The following RFC2 variants were observed in gnomAD, a reference collection of about 807,000 sequenced individuals.
The protein encoded by RFC2 is replication factor C subunit 2.
In RFC2, 34 loss-of-function variants were observed where a neutral mutation model predicts 44.8. That is an observed-to-expected ratio of 0.76 (90% confidence interval 0.58 to 1.01). The LOEUF (loss-of-function observed/expected upper bound fraction) is 1.01, where lower values mean the gene tolerates loss of function less well. Ranked by LOEUF, RFC2 falls within the 50% of genes least tolerant of loss-of-function variation. RFC2 has a pLI of 0.00. For synonymous variants in RFC2, 177 were observed against 168.9 expected, an observed-to-expected ratio of 1.05 and a Z score of -0.37; for missense variants, 400 against 453.6, an observed-to-expected ratio of 0.88 and a Z score of 1.07.
chr7:74,237,435 T>C lies in RFC2; in HGVS notation c.767A>G (p.Asp256Gly). 1 of 1,587,558 alleles carries C rather than the reference T, an allele frequency of 6.3e-7. No individual in the cohort carries two copies. Among genetic ancestry groups the C allele is most frequent in the Non-Finnish European group, 8.6e-7 (1 of 1,164,606 alleles). The change falls in exon 9 of 11, where the codon GAC becomes GGC. Residue 256 changes from aspartate to glycine, a missense_variant. By Grantham distance (94) the Asp-to-Gly change is moderately conservative. Coordinates refer to ENST00000055077, the MANE Select transcript of RFC2 (RefSeq NM_181471.3). The stretch of plus-strand genomic sequence containing the variant: ...CTTTACCAGCAGTGGGTGGGGCTCG[T>C]CACAGACCTGGCCAAAGGGAAAGGA... ...INSENVFKVC[D>G]EPHPLLVKEM...
intron 7 of RFC2, 111 bp downstream of exon 7, chr7:74,239,827 T>C (rs1391093540): frequency 3.8e-6 from 4 of 1,057,142 alleles, no homozygotes; most frequent in Middle Eastern, 2.1e-4. Context: ...GCCAGGTCTC[T>C]GTCTCTTTCT....
chr7:74,249,773 G>A lies in RFC2; in HGVS notation c.191C>T (p.Ala64Val). ...EDTVSRLEVFAREGNVPNIII... is the reference protein window; with the variant it reads ...EDTVSRLEVFVREGNVPNIII... ...GATGTTGGGCACATTTCCTTCCCTT[G>A]CAAAGACCTACGGCGAAAATGATCA... Residue 64 changes from alanine (A) to valine (V), a missense_variant, in exon 3 of 11, where the codon GCA becomes GTA. Coordinates refer to ENST00000055077, the MANE Select transcript of RFC2 (RefSeq NM_181471.3). The A allele has an allele frequency of 6.2e-7, 1 of 1,613,496 alleles. No individual in the cohort carries two copies. Among genetic ancestry groups the A allele is most frequent in the Non-Finnish European group, 8.5e-7 (1 of 1,179,532 alleles).
intron 5 of RFC2, among the ~76,000 whole-genome samples, chr7:74,245,358 G>A (rs1181532884): frequency 7.2e-5 from 11 of 151,900 alleles, no homozygotes; most frequent in African/African-American, 2.4e-4. Flanking sequence ...TGTTGTGATG[G>A]TTGCACAACA....
At chr7:74,233,608 T>A (rs1382526237) in intron 10 of RFC2, among the ~76,000 whole-genome samples, 12 of 149,980 alleles carry the variant, frequency 8.0e-5, no homozygotes, top group African/African-American at 2.9e-4. Flanking sequence ...TTTTTTTTTT[T>A]TTTTTTTTTA....
chr7:74,245,061 T>G (rs1285634953), intron 5 of RFC2, among the ~76,000 whole-genome samples: 2 of 150,704 alleles, frequency 1.3e-5, no homozygotes, highest in Non-Finnish European at 3.0e-5. Context: ...GGAGTTTCGC[T>G]CTTGTTGCCC....
intron 9 of RFC2, chr7:74,237,156 C>T: frequency 2.3e-6 from 1 of 427,842 alleles, no homozygotes; most frequent in Non-Finnish European, 4.4e-6. Context: ...CACCATCACC[C>T]AGGCTGGGGT....
In RFC2 at chr7:74,246,670, T is replaced by C. The variant is rs1554720074; in HGVS notation, c.426A>G (p.Glu142=). 2.5e-6 allele frequency: 4 copies of C among 1,603,680 alleles called. No individual in the cohort carries two copies. The highest frequency in any genetic ancestry group is 1.7e-5 in the Admixed American group (1 of 59,416). ...KGRHKIIILD[E]ADSMTDGAQQ... ...TTGGCAAAGCACTCTACCTGTCTGCTTCATCCAGAATGATGATCTTATGTC... is the reference window on the plus strand; with the variant it reads ...TTGGCAAAGCACTCTACCTGTCTGCCTCATCCAGAATGATGATCTTATGTC... Residue 142 remains glutamate (E), a synonymous_variant, in exon 5 of 11, where the codon GAA becomes GAG. Coordinates refer to ENST00000055077, the MANE Select transcript of RFC2 (RefSeq NM_181471.3).
intron 2 of RFC2, among the ~76,000 whole-genome samples, chr7:74,250,914 G>A (rs1224809520): frequency 6.6e-6 from 1 of 152,032 alleles, no homozygotes; most frequent in Non-Finnish European, 1.5e-5. Context: ...TCAGCCTCCT[G>A]AGTAGCTGGG....
At chr7:74,249,499 C>A (rs1424566723) in intron 3 of RFC2, among the ~76,000 whole-genome samples, 2 of 151,948 alleles carry the variant, frequency 1.3e-5, no homozygotes, top group Non-Finnish European at 2.9e-5. Flanking sequence ...AGAGATTGCA[C>A]CACTGCACTC....
intron 4 of RFC2, among the ~76,000 whole-genome samples, chr7:74,247,229 T>C (rs934122679): frequency 2.2e-4 from 34 of 152,228 alleles, no homozygotes; most frequent in African/African-American, 7.9e-4. Flanking sequence ...ACCTTTGTTA[T>C]CTTGTAAGCT....
chr7:74,238,967 T>G lies in RFC2; in HGVS notation c.715A>C (p.Thr239Pro), dbSNP rs1554718805. The G allele has an allele frequency of 2.5e-6, 4 of 1,613,902 alleles. No individual in the cohort carries two copies. In the African/African-American group the frequency reaches 5.3e-5, roughly 22 times the overall value. The part of the protein sequence containing the change: ...MRQALNNLQS[T>P]FSGFGFINSE... The stretch of plus-strand genomic sequence containing the variant: ...TTAATGAAGCCAAATCCTGAGAAGG[T>G]GGACTGCAGGTTGTTCAGCGCCTGT... Residue 239 changes from threonine to proline, a missense_variant, in exon 8 of 11, where the codon ACC (threonine) becomes CCC (proline). Physicochemically the swap from Thr to Pro is conservative, Grantham distance 38 (BLOSUM62 -1). Coordinates refer to ENST00000055077, the MANE Select transcript of RFC2 (RefSeq NM_181471.3). This position sits in a 1 kb window ranked among gnomAD's most constrained non-coding sequence, Gnocchi z 4.0.
chr7:74,244,706 G>A (rs1362311344), intron 5 of RFC2, among the ~76,000 whole-genome samples: 1 of 151,428 alleles, frequency 6.6e-6, no homozygotes, highest in Non-Finnish European at 1.5e-5. Flanking sequence ...AGCACCTCAT[G>A]CCTGCAATCC....
At chr7:74,250,280 ACT>A (rs1786849428) in intron 2 of RFC2, among the ~76,000 whole-genome samples, 1 of 151,908 alleles carries the variant, frequency 6.6e-6, no homozygotes, top group Admixed American at 6.6e-5. Context: ...GCCCCATGGA[ACT>A]CTCACCTCAA....
At position 74,239,008 on chromosome 7, in the gene RFC2, T is replaced by C. The variant is rs782520739; in HGVS notation, c.694-20A>G. 5 of 1,599,064 alleles carry C rather than the reference T, an allele frequency of 3.1e-6. No individual in the cohort carries two copies. Among genetic ancestry groups the C allele is most frequent in the Non-Finnish European group, 4.3e-6 (5 of 1,166,526 alleles). ...CAGCGCCTGTTCAGGAGCAAACACA[T>C]GTCAAGGATGATTTTTATATTTATT... On this transcript the variant is annotated intron_variant, in intron 7 of 10. Coordinates refer to ENST00000055077, the MANE Select transcript of RFC2 (RefSeq NM_181471.3).
chr7:74,240,550 G>A (rs1584251232), intron 6 of RFC2, among the ~76,000 whole-genome samples: 1 of 151,306 alleles, frequency 6.6e-6, no homozygotes, highest in Non-Finnish European at 1.5e-5. Context: ...GGTAAACACA[G>A]GGTGATATGT....
intron 9 of RFC2, among the ~76,000 whole-genome samples, chr7:74,237,067 A>T (rs544647866): frequency 6.6e-5 from 10 of 150,642 alleles, no homozygotes; most frequent in South Asian, 2.1e-4. Context: ...TCCTAGCATA[A>T]TTTTTTTTTT....
At chr7:74,243,828 T>C (rs1554719584) in intron 5 of RFC2, among the ~76,000 whole-genome samples, 1 of 150,608 alleles carries the variant, frequency 6.6e-6, no homozygotes, top group Non-Finnish European at 1.5e-5. Context: ...AAAAAGCCTG[T>C]TTACCAGATT....
chr7:74,238,867 C>T lies in RFC2; in HGVS notation c.759+56G>A, dbSNP rs1402637403. ...CAGCCCAGCCCTTCAGCCCCACTGG[C>T]CCCCACAGGGAAGCACGGCTTCTGC... On this transcript the variant is annotated intron_variant, in intron 8 of 10. Coordinates refer to ENST00000055077, the MANE Select transcript of RFC2 (RefSeq NM_181471.3). The surrounding 1 kb of genome is among the most constrained non-coding windows in gnomAD (Gnocchi z 4.0). 7 of 1,427,076 alleles carry T rather than the reference C, an allele frequency of 4.9e-6. No individual in the cohort carries two copies. Among genetic ancestry groups the T allele is most frequent in the Non-Finnish European group, 5.9e-6 (6 of 1,010,610 alleles). The allele number at this position is 1,427,076 out of a possible 1,614,324, so 88.4% of individuals were successfully genotyped here.
At chr7:74,236,793 C>T (rs1554718375) in intron 9 of RFC2, among the ~76,000 whole-genome samples, 2 of 152,060 alleles carry the variant, frequency 1.3e-5, no homozygotes, top group Non-Finnish European at 2.9e-5. Flanking sequence ...AGTTCTACTG[C>T]TTTTAAACCA....
Sources: allele counts gnomAD v4.1 joint callset (sites outside exome capture counted in the v4.1 genomes callset), GRCh38; gene constraint gnomAD v4.1.1; non-coding constraint Gnocchi (gnomAD v3.1); transcripts MANE v1.5; gene names NCBI Gene and HGNC (gene_info 2026-07-23, HGNC 2026-07-21).